The following BOLL variants were observed in gnomAD, a reference collection of about 807,000 sequenced individuals.
The protein encoded by BOLL is protein boule-like.
BOLL carries 23 observed loss-of-function variants against 44.4 expected under a neutral mutation model. That is an observed-to-expected ratio of 0.52 (90% CI 0.37 to 0.73). BOLL has a LOEUF of 0.73. Ranked by LOEUF, BOLL falls within the 30% of genes least tolerant of loss-of-function variation. The probability of loss-of-function intolerance (pLI) is 0.00; values close to 1 mark genes in which losing one functional copy is unlikely to be tolerated. For synonymous variants in BOLL, 97 were observed against 110.8 expected (o/e 0.88, Z 0.78); for missense variants, 287 against 338.3 (o/e 0.85, Z 1.19).
chr2:197,748,515 G>A (rs913111845), intron 9 of BOLL, among the ~76,000 whole-genome samples: 2 of 152,208 alleles, frequency 1.3e-5, no homozygotes, highest in African/African-American at 4.8e-5. Flanking sequence ...ACAGCTGTCT[G>A]AAGTCGACCT....
In BOLL at chr2:197,771,922, T is replaced by C. The variant is rs1689285501; in HGVS notation, c.413A>G (p.Tyr138Cys). Residue 138 changes from tyrosine to cysteine, a missense_variant, in exon 6 of 11, where the codon TAT (tyrosine) becomes TGT (cysteine). Transcript: ENST00000392296. ...MYLTTSTGYPYTYHNGVAYFH... is the reference protein window; with the variant it reads ...MYLTTSTGYPCTYHNGVAYFH... ...ATAAGCAACACCATTATGGTAAGTA[T>C]AAGGATATCCAGTTGAAGTTGTTAG... 2.5e-6 allele frequency: 4 copies of C among 1,598,862 alleles called. No homozygotes were observed. The highest frequency in any genetic ancestry group is 3.4e-6 in the Non-Finnish European group (4 of 1,170,220).
intron 6 of BOLL, among the ~76,000 whole-genome samples, chr2:197,770,476 C>G (rs1689193701): frequency 6.6e-6 from 1 of 152,046 alleles, no homozygotes; most frequent in South Asian, 2.1e-4. Flanking sequence ...GCCATGGCCA[C>G]AAATCCAAAA....
chr2:197,772,241 T>G (rs964160077), intron 5 of BOLL, among the ~76,000 whole-genome samples: 4 of 151,974 alleles, frequency 2.6e-5, no homozygotes, highest in African/African-American at 9.7e-5. Flanking sequence ...ATACCAAAAA[T>G]GTATCAATTC....
chr2:197,769,904 T>C (rs1033675671), intron 6 of BOLL, among the ~76,000 whole-genome samples: 2 of 152,080 alleles, frequency 1.3e-5, no homozygotes, highest in Non-Finnish European at 2.9e-5. Flanking sequence ...AGAATCAATA[T>C]TGTGAAAATG....
rs773284900 is a variant in BOLL, at chr2:197,757,350, T to C, written c.600+3A>G. 6.2e-7 allele frequency: 1 copy of C among 1,604,490 alleles called. No individual in the cohort carries two copies. Among genetic ancestry groups the C allele is most frequent in the Non-Finnish European group, 8.5e-7 (1 of 1,173,906 alleles). On this transcript the variant is annotated splice_donor_region_variant and intron_variant, in intron 8 of 10. Transcript: ENST00000392296. ...AAATTATATATTGAAAGTTAACATT[T>C]ACCTGAGGAACACTCCACTGCCACT...
chr2:197,751,559 T>C (rs937334049), intron 9 of BOLL, among the ~76,000 whole-genome samples: 6 of 152,106 alleles, frequency 3.9e-5, no homozygotes, highest in Non-Finnish European at 5.9e-5. Context: ...AATGGATAAA[T>C]TTCTGGACAT....
intron 10 of BOLL, 79 bp from the exon 11 acceptor site, chr2:197,728,657 C>A: frequency 3.4e-6 from 3 of 879,472 alleles, no homozygotes; most frequent in South Asian, 1.7e-5. Flanking sequence ...GAGTACAGAC[C>A]ATCAATCAAC....
At chr2:197,756,663 A>G in intron 8 of BOLL, 107 bp from the exon 9 acceptor site, 1 of 1,148,852 alleles carries the variant, frequency 8.7e-7, no homozygotes. Context: ...ATTTTACTAA[A>G]TTTTTTTTTA....
In BOLL at chr2:197,754,456, T is replaced by A. The variant is rs374892723; in HGVS notation, c.729+1972A>T. Among the ~76,000 whole-genome samples the A allele has an allele frequency of 1.9e-4, 29 of 152,216 alleles. 1 individual carries two copies. The highest frequency in any genetic ancestry group is 6.5e-4 in the African/African-American group (27 of 41,530). ...TGGGTGCAGTGGCTCATACCTGTAATCCCAGCACTTTGGGAGGCCGAGGCA... is the reference window on the plus strand; with the variant it reads ...TGGGTGCAGTGGCTCATACCTGTAAACCCAGCACTTTGGGAGGCCGAGGCA... On this transcript the variant is annotated intron_variant, in intron 9 of 10. Transcript: ENST00000392296.
At chr2:197,741,764 T>C (rs1194088304) in intron 10 of BOLL, among the ~76,000 whole-genome samples, 1 of 152,138 alleles carries the variant, frequency 6.6e-6, no homozygotes. Flanking sequence ...AAGGACTTCA[T>C]GTCTAAAACA....
intron 1 of BOLL, among the ~76,000 whole-genome samples, chr2:197,784,427 TA>T: frequency 2.0e-5 from 2 of 100,862 alleles, no homozygotes; most frequent in Non-Finnish European, 4.1e-5. Flanking sequence ...TATATATATA[TA>T]TATATATATA....
intron 6 of BOLL, among the ~76,000 whole-genome samples, chr2:197,767,607 A>G (rs1689052409): frequency 6.6e-6 from 1 of 151,988 alleles, no homozygotes; most frequent in South Asian, 2.1e-4. Context: ...AGTAACTCTC[A>G]ACCATGAGTG....
intron 6 of BOLL, among the ~76,000 whole-genome samples, chr2:197,771,185 G>A (rs1158458383): frequency 3.9e-5 from 6 of 151,940 alleles, no homozygotes; most frequent in African/African-American, 1.5e-4. Context: ...GGATGAGTTC[G>A]TGTGCTTTGC....
At chr2:197,771,832 C>T in intron 6 of BOLL, 23 bp downstream of exon 6, 1 of 1,532,798 alleles carries the variant, frequency 6.5e-7, no homozygotes, top group Non-Finnish European at 8.8e-7. Context: ...GATGGAAATC[C>T]TTTTTTAAAT....
rs183411113 is a variant in BOLL, at chr2:197,772,042, T to G, written c.353-60A>C. 2.5e-5 allele frequency: 34 copies of G among 1,379,572 alleles called. No homozygotes were observed. The East Asian group carries it at 8.5e-4, about 34-fold the overall frequency. 85.5% of individuals were successfully genotyped at this position (1,379,572 alleles called of 1,614,324 possible). A position where few individuals can be genotyped will look rare whatever the true frequency, so the allele number is the denominator to read the frequency against. On this transcript the variant is annotated intron_variant, in intron 5 of 10. Transcript: ENST00000392296. ...TTCAATTTAACTGTTAAAAATGTAGTTTCTAAACACTTCAGAAAAATATTT... is the reference window on the plus strand; with the variant it reads ...TTCAATTTAACTGTTAAAAATGTAGGTTCTAAACACTTCAGAAAAATATTT...
chr2:197,763,154 G>A lies in BOLL; in HGVS notation c.552+3378C>T, dbSNP rs138423074. On this transcript the variant is annotated intron_variant, in intron 7 of 10. Transcript: ENST00000392296. Reference sequence around the variant, plus strand: ...ATAAATTCCTGAACATATACAATCTGCCAAGACTAAACCAAGACTGAAGAA... The same window carrying A: ...ATAAATTCCTGAACATATACAATCTACCAAGACTAAACCAAGACTGAAGAA... 6.9e-3 allele frequency among the ~76,000 whole-genome samples: 1,043 copies of A among 152,220 alleles called. 7 individuals are homozygous for A. The highest frequency in any genetic ancestry group is 0.01 in the Middle Eastern group (3 of 294).
intron 7 of BOLL, among the ~76,000 whole-genome samples, chr2:197,759,577 T>C (rs1276622780): frequency 6.6e-6 from 1 of 152,164 alleles, no homozygotes; most frequent in Non-Finnish European, 1.5e-5. Flanking sequence ...ATTTTCATTC[T>C]GCCAAGTACA....
chr2:197,765,931 T>C (rs1382102736), intron 7 of BOLL, among the ~76,000 whole-genome samples: 1 of 152,088 alleles, frequency 6.6e-6, no homozygotes, highest in Non-Finnish European at 1.5e-5. Flanking sequence ...CACTTATAAG[T>C]AAGAACATGT....
At chr2:197,784,391 CATATATATATATATAT>C (rs60865376) in intron 1 of BOLL, among the ~76,000 whole-genome samples, 2,288 of 54,876 alleles carry the variant, frequency 0.042, 59 homozygotes, top group African/African-American at 0.047. Flanking sequence ...CAGTCTAATA[CATATATATATATATAT>C]ATATATATAT....
Sources: allele counts gnomAD v4.1 joint callset (sites outside exome capture counted in the v4.1 genomes callset), GRCh38; gene constraint gnomAD v4.1.1; transcripts MANE v1.5; gene names NCBI Gene and HGNC (gene_info 2026-07-23, HGNC 2026-07-21).